SCUBE1: variants seen among roughly 807,000 people sequenced by gnomAD.
The protein encoded by SCUBE1 is signal peptide, CUB and EGF-like domain-containing protein 1.
Under a neutral mutation model 124.4 loss-of-function variants are expected in SCUBE1, and 59 were observed. That is an observed-to-expected ratio of 0.47 (90% CI 0.38 to 0.59). The LOEUF (loss-of-function observed/expected upper bound fraction) is 0.59. Among genes scored for constraint, SCUBE1 ranks in the 20% least tolerant of loss-of-function variants. The pLI, the probability that SCUBE1 is intolerant of heterozygous loss-of-function variation, is 0.00. For synonymous variants in SCUBE1, 545 were observed against 550.9 expected (o/e 0.99, Z 0.15); for missense variants, 1,150 against 1,371.2 (o/e 0.84, Z 2.55).
chr22:43,227,648 C>A (rs1007608618), intron 9 of SCUBE1, 152 bp from the exon 10 acceptor site: 19 of 915,336 alleles, frequency 2.1e-5, no homozygotes, highest in Non-Finnish European at 2.9e-5. Flanking sequence ...ACACGCCACA[C>A]GCACACACAC....
At chr22:43,307,561 C>T (rs1426228012) in intron 3 of SCUBE1, among the ~76,000 whole-genome samples, 4 of 152,132 alleles carry the variant, frequency 2.6e-5, no homozygotes, top group South Asian at 2.1e-4. Context: ...TGCCAGGTCA[C>T]GGGATGCTGG....
intron 15 of SCUBE1, among the ~76,000 whole-genome samples, chr22:43,215,577 C>T (rs1037933424): frequency 6.6e-6 from 1 of 152,176 alleles, no homozygotes; most frequent in Non-Finnish European, 1.5e-5. Context: ...GTATCCTGTG[C>T]CTGCTGATGG....
Position 43,255,335 on chromosome 22 carries a change from C to T in SCUBE1, c.727+2884G>A, listed in dbSNP as rs1251098370. ...GGACTGCACACACGTGGGCACACCCCACAACACAGACATATGCCCCCACAC... is the reference window on the plus strand; with the variant it reads ...GGACTGCACACACGTGGGCACACCCTACAACACAGACATATGCCCCCACAC... On this transcript the variant is annotated intron_variant, in intron 6 of 21. Transcript: ENST00000360835. This position sits in a 1 kb window ranked among gnomAD's most constrained non-coding sequence, Gnocchi z 4.7. Among the ~76,000 whole-genome samples the T allele has an allele frequency of 6.6e-6, 1 of 151,754 alleles. No individual in the cohort carries two copies. Among genetic ancestry groups the T allele is most frequent in the Non-Finnish European group, 1.5e-5 (1 of 68,012 alleles).
chr22:43,224,536 CA>C (rs1163352194), intron 10 of SCUBE1, among the ~76,000 whole-genome samples: 1 of 152,228 alleles, frequency 6.6e-6, no homozygotes, highest in Non-Finnish European at 1.5e-5. Context: ...GCTTCCAACT[CA>C]ATCCAAGCTG....
chr22:43,219,511 G>T (rs571128910), intron 14 of SCUBE1, among the ~76,000 whole-genome samples: 4 of 78,560 alleles, frequency 5.1e-5, no homozygotes, highest in Non-Finnish European at 1.1e-4. Flanking sequence ...AGTCTCACTC[G>T]TCGCCAGGCT....
intron 3 of SCUBE1, among the ~76,000 whole-genome samples, chr22:43,294,594 G>C (rs1353451151): frequency 1.3e-5 from 2 of 152,236 alleles, no homozygotes; most frequent in Non-Finnish European, 2.9e-5. Flanking sequence ...CTGGGAGTCA[G>C]GCTCCCTGAG....
chr22:43,257,076 G>C, intron 6 of SCUBE1, among the ~76,000 whole-genome samples: 1 of 152,352 alleles, frequency 6.6e-6, no homozygotes. Flanking sequence ...AGACCACACA[G>C]AGGAAGGGAG....
intron 4 of SCUBE1, among the ~76,000 whole-genome samples, chr22:43,286,533 G>A (rs1368886080): frequency 2.0e-5 from 3 of 152,246 alleles, no homozygotes; most frequent in African/African-American, 7.2e-5. Context: ...CCCAGTGTCA[G>A]TGCTGGACCC....
chr22:43,295,668 G>A (rs1325468470), intron 3 of SCUBE1, among the ~76,000 whole-genome samples: 3 of 152,176 alleles, frequency 2.0e-5, no homozygotes, highest in Admixed American at 6.5e-5. Flanking sequence ...ACCTCTGCCC[G>A]AGTGTGCATG....
chr22:43,245,300 C>T (rs1356324953), intron 6 of SCUBE1, among the ~76,000 whole-genome samples: 7 of 152,182 alleles, frequency 4.6e-5, no homozygotes, highest in African/African-American at 7.2e-5. Flanking sequence ...AGCAGAGGGC[C>T]GCGCCTGGTC....
At chr22:43,281,514 A>AGCCATCCTCCTGTCCCCTCCCTCTTTG (rs753998779) in intron 4 of SCUBE1, among the ~76,000 whole-genome samples, 3 of 51,416 alleles carry the variant, frequency 5.8e-5, no homozygotes, top group Non-Finnish European at 6.8e-5. Flanking sequence ...CCTCCTCCTC[A>AGCCATCCTCCTGTCCCCTCCCTCTTTG]GCCACCCTCC....
chr22:43,262,971 GCA>G (rs772707892), intron 4 of SCUBE1, 126 bp from the exon 5 acceptor site: 4 of 945,534 alleles, frequency 4.2e-6, no homozygotes, highest in African/African-American at 1.6e-5. Flanking sequence ...CATGTATCAT[GCA>G]CACACACGCA....
intron 15 of SCUBE1, among the ~76,000 whole-genome samples, chr22:43,216,728 C>T (rs1921827413): frequency 1.3e-5 from 2 of 151,980 alleles, no homozygotes; most frequent in East Asian, 1.9e-4. Context: ...CTTGTCAGTA[C>T]GGCTGTCCCC....
chr22:43,303,570 G>A (rs935747315), intron 3 of SCUBE1, among the ~76,000 whole-genome samples: 8 of 152,230 alleles, frequency 5.3e-5, no homozygotes, highest in African/African-American at 1.9e-4. Context: ...GGGGTGCCAG[G>A]AAGCTTCACG....
intron 3 of SCUBE1, among the ~76,000 whole-genome samples, chr22:43,302,746 T>A (rs889017087): frequency 6.6e-6 from 1 of 152,162 alleles, no homozygotes; most frequent in African/African-American, 2.4e-5. Context: ...TTTTAAAAAT[T>A]TCTTTTGATG....
intron 3 of SCUBE1, among the ~76,000 whole-genome samples, chr22:43,303,964 G>A (rs984784508): frequency 1.3e-5 from 2 of 152,318 alleles, no homozygotes; most frequent in East Asian, 1.9e-4. Context: ...CTTCTGACTC[G>A]CTGCTTTGTG....
At chr22:43,290,955 G>A (rs1020862033) in intron 4 of SCUBE1, 91 bp downstream of exon 4, 3 of 1,397,686 alleles carry the variant, frequency 2.1e-6, no homozygotes, top group East Asian at 2.5e-5. Context: ...CCTTGACCTT[G>A]AGGGCCCCAG....
intron 4 of SCUBE1, among the ~76,000 whole-genome samples, chr22:43,266,794 G>T (rs1238472380): frequency 6.6e-6 from 1 of 152,170 alleles, no homozygotes; most frequent in Non-Finnish European, 1.5e-5. Flanking sequence ...GTTTCCAGAC[G>T]TAAGAGCCCA....
chr22:43,326,725 CTG>C (rs1448222544), intron 2 of SCUBE1, among the ~76,000 whole-genome samples: 28 of 152,134 alleles, frequency 1.8e-4, no homozygotes, highest in Non-Finnish European at 3.7e-4. Context: ...CTTTCCCACT[CTG>C]TGATTCAAGA....
Sources: gnomAD v4.1 joint callset for allele counts (sites outside exome capture counted in the v4.1 genomes callset) on GRCh38, gnomAD v4.1.1 for gene constraint, Gnocchi (gnomAD v3.1) non-coding constraint, MANE v1.5 for transcripts, NCBI Gene and HGNC (gene_info 2026-07-23, HGNC 2026-07-21) for gene names.